Variants in ANO3 observed in about 807,000 individuals in gnomAD.
ANO3 encodes anoctamin-3.
ANO3 carries 99 observed loss-of-function variants against 144.8 expected under a neutral mutation model. The ratio of observed to expected loss-of-function variants is 0.68; its 90% CI spans 0.58 to 0.81. The LOEUF is 0.81. Ranked by LOEUF, ANO3 falls within the 30% of genes least tolerant of loss-of-function variation. The pLI is 0.00. For missense variants in ANO3, 905 were observed against 1,202.2 expected (o/e 0.75, Z 3.66); for synonymous variants, 414 against 392.6 (o/e 1.05, Z -0.64).
At chr11:26,346,195 C>G (rs1236374560) in intron 1 of ANO3, among the ~76,000 whole-genome samples, 2 of 152,222 alleles carry the variant, frequency 1.3e-5, no homozygotes, top group East Asian at 3.9e-4. Flanking sequence ...GGGATAAAAT[C>G]CCATGGACCT....
chr11:26,413,688 C>A (rs7936566), intron 1 of ANO3, among the ~76,000 whole-genome samples: 96,671 of 151,830 alleles, frequency 0.64, 33,449 homozygotes, highest in Admixed American at 0.78. Context: ...TTAATCCTTG[C>A]GTTTTCTTAT....
chr11:26,337,010 G>C (rs559494581), intron 1 of ANO3, among the ~76,000 whole-genome samples: 1 of 152,200 alleles, frequency 6.6e-6, no homozygotes, highest in South Asian at 2.1e-4. Flanking sequence ...GAGCCCATCT[G>C]GTCTTCTACT....
intron 1 of ANO3, among the ~76,000 whole-genome samples, chr11:26,234,518 C>T (rs1852472954): frequency 6.6e-6 from 1 of 152,144 alleles, no homozygotes; most frequent in Non-Finnish European, 1.5e-5. Flanking sequence ...GCTCGATTTA[C>T]ATCATTTTAA....
Position 26,216,255 on chromosome 11 carries a change from T to C in ANO3, c.154+26925T>C, listed in dbSNP as rs564832063. On this transcript the variant is annotated intron_variant, in intron 1 of 27. Coordinates refer to the ANO3 transcript ENST00000672621. ...AATGCATAATAGCATGTATCTATCA[T>C]TAAAATATCATAAGCAATAATTTCA... Among the ~76,000 whole-genome samples, 25 of 152,114 alleles carry C rather than the reference T, an allele frequency of 1.6e-4. No individual in the cohort carries two copies. The South Asian group carries it at 4.8e-3, about 29-fold the overall frequency.
chr11:26,205,116 C>T (rs762564971), intron 1 of ANO3, among the ~76,000 whole-genome samples: 9 of 152,116 alleles, frequency 5.9e-5, no homozygotes, highest in Middle Eastern at 3.2e-3. Flanking sequence ...CTCACTATCA[C>T]GAGAACAGCA....
At chr11:26,489,939 G>A (rs988406873) in intron 4 of ANO3, among the ~76,000 whole-genome samples, 2 of 152,168 alleles carry the variant, frequency 1.3e-5, no homozygotes, top group African/African-American at 2.4e-5. Flanking sequence ...GGACATTTTG[G>A]TTAATGCTGA....
chr11:26,330,871 T>A (rs1855020763), upstream of ANO3, among the ~76,000 whole-genome samples: 1 of 152,228 alleles, frequency 6.6e-6, no homozygotes, highest in African/African-American at 2.4e-5. Context: ...GCATATTTTT[T>A]ATCTGCTTTT....
At chr11:26,624,123 C>T (rs1215163377) in intron 17 of ANO3, among the ~76,000 whole-genome samples, 2 of 152,170 alleles carry the variant, frequency 1.3e-5, no homozygotes. Flanking sequence ...TCAGCTCAGC[C>T]ATTGATTAGC....
At chr11:26,471,391 C>T (rs1196996348) in intron 4 of ANO3, among the ~76,000 whole-genome samples, 1 of 151,822 alleles carries the variant, frequency 6.6e-6, no homozygotes, top group African/African-American at 2.4e-5. Flanking sequence ...CAACAAACCC[C>T]TAAGTAAAAA....
intron 1 of ANO3, among the ~76,000 whole-genome samples, chr11:26,412,382 G>A (rs1857456206): frequency 6.6e-6 from 1 of 151,944 alleles, no homozygotes; most frequent in Middle Eastern, 3.4e-3. Flanking sequence ...AAAATAGGGA[G>A]GTCAAATAAT....
intron 11 of ANO3, among the ~76,000 whole-genome samples, chr11:26,543,109 G>A (rs767566916): frequency 5.9e-5 from 9 of 152,028 alleles, no homozygotes; most frequent in Non-Finnish European, 1.2e-4. Flanking sequence ...GATCTTGAAG[G>A]GGCAGGGGGA....
At chr11:26,630,254 A>G (rs1488211489) in intron 18 of ANO3, among the ~76,000 whole-genome samples, 1 of 152,222 alleles carries the variant, frequency 6.6e-6, no homozygotes, top group Non-Finnish European at 1.5e-5. Context: ...AATTAATTGT[A>G]AAAACCAGAG....
chr11:26,328,876 A>G (rs1854959091), upstream of ANO3, among the ~76,000 whole-genome samples: 1 of 152,206 alleles, frequency 6.6e-6, no homozygotes. Context: ...GAAAGTATAA[A>G]AAATATTACC....
intron 17 of ANO3, among the ~76,000 whole-genome samples, chr11:26,616,905 T>G (rs1852277912): frequency 6.6e-6 from 1 of 152,156 alleles, no homozygotes; most frequent in Non-Finnish European, 1.5e-5. Context: ...CCTGAGTAGC[T>G]GGGACTACAG....
At chr11:26,227,793 T>C (rs1718215126) in intron 1 of ANO3, among the ~76,000 whole-genome samples, 1 of 152,218 alleles carries the variant, frequency 6.6e-6, no homozygotes, top group African/African-American at 2.4e-5. Flanking sequence ...TTTCCAGTTG[T>C]GTGTGACCAA....
At chr11:26,575,700 TC>T (rs1441120717) in intron 14 of ANO3, among the ~76,000 whole-genome samples, 1 of 152,210 alleles carries the variant, frequency 6.6e-6, no homozygotes, top group Admixed American at 6.5e-5. Context: ...ACAATCATTT[TC>T]AAAACCACTG....
rs768657100 is a variant in ANO3 at position 26,547,518 on chromosome 11, T to C, written c.1257T>C (p.Tyr419=). Residue 419 remains tyrosine, a synonymous_variant, in exon 12 of 27, where the codon TAT becomes TAC. Transcript: ENST00000256737. ...TTGTTGGTTTGTGCGTTTTCTTCTA[T>C]GGATTATTTACAATGAATAATAGTC... ...AAIVGLCVFF[Y]GLFTMNNSQV... The C allele has an allele frequency of 1.8e-5, 29 of 1,611,984 alleles. No individual in the cohort carries two copies. The highest frequency in any genetic ancestry group is 1.5e-4 in the South Asian group (14 of 91,046).
At chr11:26,552,134 A>G (rs1014980725) in intron 12 of ANO3, among the ~76,000 whole-genome samples, 1 of 152,018 alleles carries the variant, frequency 6.6e-6, no homozygotes, top group African/African-American at 2.4e-5. Flanking sequence ...TTTACTGGAG[A>G]TAATTGCCAT....
intron 3 of ANO3, among the ~76,000 whole-genome samples, chr11:26,454,683 T>C (rs1859081777): frequency 6.6e-6 from 1 of 151,828 alleles, no homozygotes; most frequent in South Asian, 2.1e-4. Flanking sequence ...TCTGAAACTA[T>C]TCCAATCGAT....
Sources: gnomAD v4.1 joint callset for allele counts (sites outside exome capture counted in the v4.1 genomes callset) on GRCh38, gnomAD v4.1.1 for gene constraint, MANE v1.5 for transcripts, NCBI Gene and HGNC (gene_info 2026-07-23, HGNC 2026-07-21) for gene names.